Variants in POLA1 observed in about 807,000 individuals in gnomAD.
POLA1 encodes DNA polymerase alpha catalytic subunit.
A neutral mutation model predicts 124.0 loss-of-function variants in POLA1; 15 were observed. The ratio of observed to expected loss-of-function variants is 0.12; its 90% CI spans 0.08 to 0.19. POLA1 has a LOEUF of 0.19. Ranked by LOEUF, POLA1 falls within the 10% of genes least tolerant of loss-of-function variation. The probability of loss-of-function intolerance (pLI) is 1.00; values close to 1 mark genes in which losing one functional copy is unlikely to be tolerated. For synonymous variants in POLA1, 408 were observed against 389.4 expected (o/e 1.05, Z -0.56); for missense variants, 886 against 1,103.4 (o/e 0.80, Z 2.79).
intron 32 of POLA1, among the ~76,000 whole-genome samples, chrX:24,832,296 T>C (rs1032698313): frequency 9.0e-6 from 1 of 111,138 alleles, no homozygotes; most frequent in Non-Finnish European, 1.9e-5. Context: ...CAAAGCACTT[T>C]AGGGAATTCA....
chrX:24,903,925 TTTTCTTTCTTTC>T (rs1169850251), intron 35 of POLA1, among the ~76,000 whole-genome samples: 1 of 108,191 alleles, frequency 9.2e-6, no homozygotes, highest in South Asian at 4.1e-4. Context: ...TTTTTTTCTT[TTTTCTTTCTTTC>T]TTTCTTTTTT....
At chrX:24,905,556 C>A (rs1490189537) in intron 35 of POLA1, among the ~76,000 whole-genome samples, 1 of 93,352 alleles carries the variant, frequency 1.1e-5, no homozygotes, top group South Asian at 6.0e-4. Context: ...TGGTGAACCC[C>A]CCCCCCCTTT....
At chrX:24,904,791 A>G (rs1202771804) in intron 35 of POLA1, among the ~76,000 whole-genome samples, 1 of 111,379 alleles carries the variant, frequency 9.0e-6, no homozygotes, top group African/African-American at 3.3e-5. Flanking sequence ...TTGGGAGGCC[A>G]AGGCAGGAGG....
intron 36 of POLA1, among the ~76,000 whole-genome samples, chrX:24,951,952 G>A (rs938076497): frequency 2.7e-5 from 3 of 111,937 alleles, no homozygotes; most frequent in Non-Finnish European, 3.8e-5. Context: ...GGACACTGCT[G>A]TGTAAAGGTT....
intron 35 of POLA1, among the ~76,000 whole-genome samples, chrX:24,907,417 G>C (rs983624831): frequency 1.4e-4 from 15 of 110,986 alleles, no homozygotes; most frequent in African/African-American, 4.9e-4. Flanking sequence ...AAAAAGCTCA[G>C]AACCCCAAAC....
Position 24,908,826 on chromosome X carries a change from G to C in POLA1, c.4164+20704G>C, listed in dbSNP as rs992202328. The stretch of plus-strand genomic sequence containing the variant: ...AATCGCCACACTGACTTCCACAATG[G>C]TTGAACTAGTTTACAGTCCCACCAA... On this transcript the variant is annotated intron_variant, in intron 35 of 36. Transcript: ENST00000379068. Among the ~76,000 whole-genome samples the C allele has an allele frequency of 3.6e-5, 4 of 111,468 alleles. No individual in the cohort carries two copies. The Admixed American group carries it at 3.8e-4, about 11-fold the overall frequency.
chrX:24,935,934 G>A lies in POLA1; in HGVS notation c.4261+5385G>A, dbSNP rs1043065874. Among the ~76,000 whole-genome samples the A allele has an allele frequency of 3.5e-5, 4 of 112,797 alleles. No homozygotes were observed. The Admixed American group carries it at 3.7e-4, about 11-fold the overall frequency. On this transcript the variant is annotated intron_variant, in intron 36 of 36. Transcript: ENST00000379068. ...TTAACGCTTGTCGCTTGAACTCTTT[G>A]CAAGTGATACTGAAGGTAGGTAACA...
chrX:24,852,522 C>A (rs2046578235), intron 34 of POLA1, among the ~76,000 whole-genome samples: 1 of 110,948 alleles, frequency 9.0e-6, no homozygotes. Flanking sequence ...GTTGGTCAGG[C>A]TGATCTCGAA....
intron 4 of POLA1, among the ~76,000 whole-genome samples, chrX:24,710,041 C>G (rs1285911774): frequency 1.9e-5 from 2 of 103,648 alleles, no homozygotes; most frequent in East Asian, 6.2e-4. Flanking sequence ...AGGCAGGCGG[C>G]TGCTCCTTGC....
At chrX:24,772,587 G>A (rs368204717) in intron 26 of POLA1, among the ~76,000 whole-genome samples, 1 of 109,379 alleles carries the variant, frequency 9.1e-6, no homozygotes, top group African/African-American at 3.3e-5. Context: ...GTTCCCCTCC[G>A]TCTGTTCATG....
At chrX:24,746,385 A>C (rs1932002594) in intron 24 of POLA1, among the ~76,000 whole-genome samples, 1 of 112,109 alleles carries the variant, frequency 8.9e-6, no homozygotes, top group Non-Finnish European at 1.9e-5. Context: ...CTACTGTGCC[A>C]GCATGGTGAT....
chrX:24,824,285 G>T (rs1224301331), intron 31 of POLA1, among the ~76,000 whole-genome samples: 3 of 109,874 alleles, frequency 2.7e-5, no homozygotes, highest in Non-Finnish European at 1.9e-5. Context: ...AATCTTTGAA[G>T]GTTATTATTA....
At chrX:24,923,830 T>A (rs933849053) in intron 35 of POLA1, among the ~76,000 whole-genome samples, 27 of 112,032 alleles carry the variant, frequency 2.4e-4, no homozygotes, top group Non-Finnish European at 4.1e-4. Flanking sequence ...GTTCCACATT[T>A]GCAAAATAGC....
intron 34 of POLA1, among the ~76,000 whole-genome samples, chrX:24,851,610 G>A (rs183413587): frequency 1.8e-5 from 2 of 113,232 alleles, no homozygotes; most frequent in African/African-American, 3.2e-5. Context: ...GGGTTTCAGC[G>A]ACTTCTGTTA....
intron 34 of POLA1, among the ~76,000 whole-genome samples, chrX:24,878,964 T>A (rs968916613): frequency 2.7e-5 from 3 of 111,676 alleles, no homozygotes; most frequent in Non-Finnish European, 5.7e-5. Flanking sequence ...TTGTAGAAAA[T>A]TTTGAAAATA....
chrX:24,840,191 G>A (rs1028350369), intron 32 of POLA1, among the ~76,000 whole-genome samples: 2 of 112,218 alleles, frequency 1.8e-5, no homozygotes, highest in African/African-American at 6.5e-5. Context: ...ACAACGAGTA[G>A]CTATTAACTT....
intron 35 of POLA1, among the ~76,000 whole-genome samples, chrX:24,921,027 A>G (rs999003415): frequency 8.9e-6 from 1 of 111,981 alleles, no homozygotes; most frequent in South Asian, 3.7e-4. Flanking sequence ...AGAGGTTTCA[A>G]ACAAACCATA....
At chrX:24,876,268 T>A (rs1302877223) in intron 34 of POLA1, among the ~76,000 whole-genome samples, 1 of 112,206 alleles carries the variant, frequency 8.9e-6, no homozygotes, top group Non-Finnish European at 1.9e-5. Context: ...CAGTTAATAA[T>A]TTCTTTACAA....
chrX:24,794,972 T>G (rs2045579713), intron 26 of POLA1, among the ~76,000 whole-genome samples: 1 of 110,861 alleles, frequency 9.0e-6, no homozygotes, highest in Non-Finnish European at 1.9e-5. Flanking sequence ...TTGAGAATTA[T>G]CTGGTGGTGT....
Sources: gnomAD v4.1 joint callset for allele counts (sites outside exome capture counted in the v4.1 genomes callset) on GRCh38, gnomAD v4.1.1 for gene constraint, MANE v1.5 for transcripts, NCBI Gene and HGNC (gene_info 2026-07-23, HGNC 2026-07-21) for gene names.